STEAP1B: variants seen among roughly 807,000 people sequenced by gnomAD.
STEAP1B encodes STEAP family protein MGC87042.
STEAP1B carries 13 observed loss-of-function variants against 27.9 expected under a neutral mutation model. That is an observed-to-expected ratio of 0.47 (90% CI 0.30 to 0.74). The LOEUF is 0.74. Ranked by LOEUF, STEAP1B falls within the 30% of genes least tolerant of loss-of-function variation. The probability of loss-of-function intolerance (pLI) is 0.06; values close to 1 mark genes in which losing one functional copy is unlikely to be tolerated. For synonymous variants in STEAP1B, 86 were observed against 107.1 expected (o/e 0.80, Z 1.22); for missense variants, 250 against 298.7 (o/e 0.84, Z 1.20).
chr7:22,470,484 C>T (rs988850131), intron 4 of STEAP1B, among the ~76,000 whole-genome samples: 2 of 152,118 alleles, frequency 1.3e-5, no homozygotes, highest in Non-Finnish European at 2.9e-5. Context: ...GGGAAATAAA[C>T]CACTATTAGA....
intron 4 of STEAP1B, among the ~76,000 whole-genome samples, chr7:22,467,120 C>T (rs1046389225): frequency 6.6e-6 from 1 of 152,120 alleles, no homozygotes; most frequent in African/African-American, 2.4e-5. Flanking sequence ...GCCAGAAGAC[C>T]CCTTATTTAT....
Position 22,419,721 on chromosome 7 carries a change from C to A in STEAP1B, c.*83G>T. The A allele has an allele frequency of 6.9e-7, 1 of 1,455,012 alleles. No homozygotes were observed. Among genetic ancestry groups the A allele is most frequent in the Non-Finnish European group, 9.2e-7 (1 of 1,083,114 alleles). 90.1% of individuals were successfully genotyped at this position (1,455,012 alleles called of 1,614,324 possible). A position where few individuals can be genotyped will look rare whatever the true frequency, so the allele number is the denominator to read the frequency against. ...TTCATTGTGGCAGAGGGAAAGGGCA[C>A]TGGGTGGTGTTCTGCATGAGCAATC... On this transcript the variant is annotated 3_prime_UTR_variant, in exon 5 of 5. Coordinates refer to ENST00000678116, the MANE Select transcript of STEAP1B (RefSeq NM_001382447.1).
chr7:22,443,618 C>A (rs548491061), intron 4 of STEAP1B, among the ~76,000 whole-genome samples: 1 of 152,174 alleles, frequency 6.6e-6, no homozygotes, highest in Non-Finnish European at 1.5e-5. Flanking sequence ...ACATAACTTC[C>A]GCCACTGCTA....
chr7:22,470,099 A>G (rs993145385), intron 4 of STEAP1B, among the ~76,000 whole-genome samples: 1 of 152,230 alleles, frequency 6.6e-6, no homozygotes, highest in Non-Finnish European at 1.5e-5. Context: ...TCCATTGCCC[A>G]TATCTTGGTT....
At chr7:22,464,625 G>T (rs569323471) in intron 4 of STEAP1B, among the ~76,000 whole-genome samples, 32 of 151,998 alleles carry the variant, frequency 2.1e-4, no homozygotes, top group Non-Finnish European at 4.0e-4. Context: ...AATCTGATTG[G>T]TGTCCTTATA....
intron 4 of STEAP1B, among the ~76,000 whole-genome samples, chr7:22,440,146 C>T (rs2528847): frequency 0.46 from 69,640 of 151,860 alleles, 16,159 homozygotes; most frequent in East Asian, 0.59. Flanking sequence ...TTATCTAAAA[C>T]GAGCTTACTT....
chr7:22,477,079 C>A (rs190271188), intron 4 of STEAP1B, among the ~76,000 whole-genome samples: 1 of 152,200 alleles, frequency 6.6e-6, no homozygotes, highest in Non-Finnish European at 1.5e-5. Context: ...AGTGACGTCA[C>A]GCACCTTCCC....
chr7:22,456,276 G>A (rs529910055), intron 4 of STEAP1B, among the ~76,000 whole-genome samples: 1 of 152,294 alleles, frequency 6.6e-6, no homozygotes, highest in South Asian at 2.1e-4. Flanking sequence ...GGCAGTTTCT[G>A]TTAGAATCAG....
At chr7:22,492,059 C>A (rs1280090753) in intron 4 of STEAP1B, among the ~76,000 whole-genome samples, 1 of 151,970 alleles carries the variant, frequency 6.6e-6, no homozygotes, top group Non-Finnish European at 1.5e-5. Context: ...CGGTGGCTCA[C>A]GTCTGTAATC....
At chr7:22,429,893 T>C (rs1012322111) in intron 4 of STEAP1B, among the ~76,000 whole-genome samples, 1 of 152,146 alleles carries the variant, frequency 6.6e-6, no homozygotes. Flanking sequence ...TGGGCATCTA[T>C]ATCTGTAGTA....
chr7:22,477,489 C>G (rs1387084490), intron 4 of STEAP1B, among the ~76,000 whole-genome samples: 2 of 152,190 alleles, frequency 1.3e-5, no homozygotes, highest in East Asian at 3.9e-4. Context: ...CAAGGTCACA[C>G]AAATCATAAA....
chr7:22,499,247 T>C (rs1786493587), intron 1 of STEAP1B, among the ~76,000 whole-genome samples: 1 of 152,214 alleles, frequency 6.6e-6, no homozygotes, highest in Non-Finnish European at 1.5e-5. Context: ...CTGACTCATG[T>C]TTATGTCCCG....
At position 22,475,370 on chromosome 7, in the gene STEAP1B, G is replaced by A. The variant is rs370206838; in HGVS notation, c.762+17195C>T. On this transcript the variant is annotated intron_variant, in intron 4 of 4. Coordinates refer to ENST00000678116, the MANE Select transcript of STEAP1B (RefSeq NM_001382447.1). ...TGCTGCACGCACCTGTCCATGTGGG[G>A]CCTTGAGCTGGATTTCGTTCTGAGT... 3.9e-5 allele frequency among the ~76,000 whole-genome samples: 6 copies of A among 152,324 alleles called. No individual in the cohort carries two copies. The South Asian group carries it at 6.2e-4, about 16-fold the overall frequency.
At chr7:22,482,836 C>G (rs1218031528) in intron 4 of STEAP1B, among the ~76,000 whole-genome samples, 1 of 152,208 alleles carries the variant, frequency 6.6e-6, no homozygotes. Flanking sequence ...CTCCTACTAG[C>G]AATCCTCAGG....
At chr7:22,497,898 G>A (rs963331603) in intron 1 of STEAP1B, among the ~76,000 whole-genome samples, 1 of 152,144 alleles carries the variant, frequency 6.6e-6, no homozygotes, top group African/African-American at 2.4e-5. Flanking sequence ...CAACCTTTTT[G>A]GCACCAGGGA....
At chr7:22,465,780 G>A (rs951953864) in intron 4 of STEAP1B, among the ~76,000 whole-genome samples, 1 of 152,152 alleles carries the variant, frequency 6.6e-6, no homozygotes, top group Non-Finnish European at 1.5e-5. Flanking sequence ...CAGGAGAACC[G>A]CCTTATGCAT....
intron 4 of STEAP1B, among the ~76,000 whole-genome samples, chr7:22,424,849 C>A (rs1287493459): frequency 6.8e-6 from 1 of 148,006 alleles, no homozygotes. Flanking sequence ...CTTGAGTTAT[C>A]ATATTCAGTA....
intron 4 of STEAP1B, among the ~76,000 whole-genome samples, chr7:22,479,345 C>A (rs1204813160): frequency 6.6e-6 from 1 of 152,200 alleles, no homozygotes; most frequent in East Asian, 1.9e-4. Context: ...TCGCTGCCTG[C>A]CCTTAACAGA....
intron 4 of STEAP1B, among the ~76,000 whole-genome samples, chr7:22,471,030 T>A (rs1785873049): frequency 1.3e-5 from 2 of 151,802 alleles, no homozygotes; most frequent in Admixed American, 1.3e-4. Context: ...CCTGCTTTCA[T>A]CTTTAAATTG....
Sources: gnomAD v4.1 joint callset for allele counts (sites outside exome capture counted in the v4.1 genomes callset) on GRCh38, gnomAD v4.1.1 for gene constraint, MANE v1.5 for transcripts, NCBI Gene and HGNC (gene_info 2026-07-23, HGNC 2026-07-21) for gene names.